Variants in CXXC5 observed in about 807,000 individuals in gnomAD.
The protein encoded by CXXC5 is CXXC-type zinc finger protein 5.
A neutral mutation model predicts 17.6 loss-of-function variants in CXXC5; 2 were observed. The ratio of observed to expected loss-of-function variants is 0.11; its 90% CI spans 0.05 to 0.36. CXXC5 has a LOEUF of 0.36. Among genes scored for constraint, CXXC5 ranks in the 10% least tolerant of loss-of-function variants. The pLI, the probability that CXXC5 is intolerant of heterozygous loss-of-function variation, is 1.00. For missense variants in CXXC5, 343 were observed against 458.3 expected (o/e 0.75, Z 2.30); for synonymous variants, 171 against 193.0 (o/e 0.89, Z 0.94).
At chr5:139,666,197 C>T (rs1304248518) in intron 1 of CXXC5, among the ~76,000 whole-genome samples, 2 of 152,154 alleles carry the variant, frequency 1.3e-5, no homozygotes, top group East Asian at 3.8e-4. Flanking sequence ...TTCCAGAGGA[C>T]GTGTGCCCCA....
intron 1 of CXXC5, among the ~76,000 whole-genome samples, chr5:139,652,169 CGCGTGTGTGTGT>C (rs1185013259): frequency 2.1e-5 from 3 of 140,068 alleles, no homozygotes; most frequent in Non-Finnish European, 4.6e-5. Flanking sequence ...CGCGCGCGCG[CGCGTGTGTGTGT>C]GTGTGTGTGT....
intron 1 of CXXC5, among the ~76,000 whole-genome samples, chr5:139,676,914 C>T (rs1367086784): frequency 6.6e-6 from 1 of 151,602 alleles, no homozygotes. Context: ...ATGATTCTGT[C>T]CCCACCACCT....
At chr5:139,657,865 C>T (rs879216553) in intron 1 of CXXC5, among the ~76,000 whole-genome samples, 17 of 152,226 alleles carry the variant, frequency 1.1e-4, no homozygotes, top group African/African-American at 3.6e-4. Flanking sequence ...CAGAGACCAG[C>T]CCTGACCTGA....
upstream of CXXC5, chr5:139,648,068 G>A (rs892686756): frequency 1.2e-5 from 1 of 82,522 alleles, no homozygotes; most frequent in Non-Finnish European, 2.6e-5. Context: ...TTTTTTTTTT[G>A]TAAAGTTGCG....
At chr5:139,654,225 A>G (rs369324177) in intron 1 of CXXC5, among the ~76,000 whole-genome samples, 4 of 152,138 alleles carry the variant, frequency 2.6e-5, no homozygotes, top group South Asian at 2.1e-4. Flanking sequence ...GTCAGAGCCA[A>G]TTGAACCACT....
chr5:139,681,267 G>A lies in CXXC5; in HGVS notation c.744G>A (p.Glu248=). The part of the protein sequence containing the change: ...AGLAEYPMQG[E]LASAISSGKK... ...TGGCTGAGTACCCCATGCAGGGAGAGCTGGCCTCTGCCATCAGCTCCGGCA... is the reference window on the plus strand; with the variant it reads ...TGGCTGAGTACCCCATGCAGGGAGAACTGGCCTCTGCCATCAGCTCCGGCA... Residue 248 remains glutamate, a synonymous_variant, in exon 2 of 3, where the codon GAG becomes GAA. Coordinates refer to ENST00000302517, the MANE Select transcript of CXXC5 (RefSeq NM_016463.9). 1.2e-6 allele frequency: 2 copies of A among 1,612,626 alleles called. No homozygotes were observed. Among genetic ancestry groups the A allele is most frequent in the Non-Finnish European group, 1.7e-6 (2 of 1,179,874 alleles).
rs1223389104 is a variant in CXXC5, at chr5:139,680,664, C to T, written c.141C>T (p.Ala47=). Residue 47 remains alanine, a synonymous_variant, in exon 2 of 3, where the codon GCC becomes GCT. Transcript: ENST00000302517. ...KSAVVAAAAP[A]SVADDTPPPE... ...CAGTGGTGGCTGCCGCCGCACCAGC[C>T]TCAGTGGCAGATGACACACCACCCC... is the stretch of plus-strand genomic sequence containing the variant. 1 of 1,613,102 alleles carries T rather than the reference C, an allele frequency of 6.2e-7. No individual in the cohort carries two copies. Among genetic ancestry groups the T allele is most frequent in the African/African-American group, 1.3e-5 (1 of 74,942 alleles).
chr5:139,678,045 C>T (rs1028005404), intron 1 of CXXC5, among the ~76,000 whole-genome samples: 4 of 152,274 alleles, frequency 2.6e-5, no homozygotes, highest in Non-Finnish European at 4.4e-5. Flanking sequence ...TGGGGCGCAG[C>T]CTGCTCCCCT....
At chr5:139,662,376 G>A (rs1755868147) in intron 1 of CXXC5, among the ~76,000 whole-genome samples, 1 of 152,132 alleles carries the variant, frequency 6.6e-6, no homozygotes, top group Non-Finnish European at 1.5e-5. Flanking sequence ...CGCCTTTGGG[G>A]TTGGGGCCTG....
At chr5:139,678,267 C>T (rs1465079321) in intron 1 of CXXC5, among the ~76,000 whole-genome samples, 1 of 152,242 alleles carries the variant, frequency 6.6e-6, no homozygotes, top group Non-Finnish European at 1.5e-5. Context: ...TCACCAGTCT[C>T]TGAGGAGAGG....
Position 139,680,570 on chromosome 5 carries a change from G to C in CXXC5, c.47G>C (p.Ser16Thr). 1 of 1,593,014 alleles carries C rather than the reference G, an allele frequency of 6.3e-7. No individual in the cohort carries two copies. Among genetic ancestry groups the C allele is most frequent in the Non-Finnish European group, 8.5e-7 (1 of 1,170,896 alleles). Residue 16 changes from serine to threonine, a missense_variant, in exon 2 of 3, where the codon AGC becomes ACC. Coordinates refer to ENST00000302517, the MANE Select transcript of CXXC5 (RefSeq NM_016463.9). ...TCCCAGGATGCCGGCGGCAGTAGCA[G>C]CAGCAGCACCAATGGCAGCGGTGGC... ...GGSQDAGGSS[S>T]SSTNGSGGSG... is the part of the protein sequence containing the mutation.
At chr5:139,648,120 G>A (rs1386448321), upstream of CXXC5, 6 of 151,298 alleles carry the variant, frequency 4.0e-5, no homozygotes, top group Non-Finnish European at 8.9e-5. Flanking sequence ...GCTGAGCCTG[G>A]GTGGACCGCG....
In CXXC5 at chr5:139,682,854, C is replaced by T. The variant is rs375560231; in HGVS notation, c.925-9C>T. Reference sequence around the variant, plus strand: ...CTCTCTCCTTGTTTTTGTCTCCCGCCCCCGCCAGAAGGTGATGCTTCCGAC... The same window carrying T: ...CTCTCTCCTTGTTTTTGTCTCCCGCTCCCGCCAGAAGGTGATGCTTCCGAC... On this transcript the variant is annotated splice_polypyrimidine_tract_variant and intron_variant, in intron 2 of 2. Coordinates refer to ENST00000302517, the MANE Select transcript of CXXC5 (RefSeq NM_016463.9). 3 of 1,591,766 alleles carry T rather than the reference C, an allele frequency of 1.9e-6. No individual in the cohort carries two copies. The African/African-American group carries it at 4.1e-5, about 22-fold the overall frequency.
rs2126837885 is a variant in CXXC5 at position 139,683,312 on chromosome 5, C to G, written c.*405C>G. 1 of 160,228 alleles carries G rather than the reference C, an allele frequency of 6.2e-6. No homozygotes were observed. The highest frequency in any genetic ancestry group is 2.0e-4 in the South Asian group (1 of 4,982). The allele number at this position is 160,228 out of a possible 1,614,324, so 9.9% of individuals were successfully genotyped here. A position where few individuals can be genotyped will look rare whatever the true frequency, so the allele number is the denominator to read the frequency against. ...CTTTTGAAATCTAGTTACTAATAAG[C>G]ACTACTGTAATTTAGCACAGTTTAA... On this transcript the variant is annotated 3_prime_UTR_variant, in exon 3 of 3. Coordinates refer to ENST00000302517, the MANE Select transcript of CXXC5 (RefSeq NM_016463.9).
At chr5:139,652,471 A>G (rs908180426) in intron 1 of CXXC5, among the ~76,000 whole-genome samples, 3 of 152,012 alleles carry the variant, frequency 2.0e-5, no homozygotes, top group Admixed American at 6.6e-5. Flanking sequence ...CCCTAAAGCC[A>G]GAGGCAGTGT....
At chr5:139,650,361 G>A (rs1232930758) in intron 1 of CXXC5, among the ~76,000 whole-genome samples, 1 of 152,200 alleles carries the variant, frequency 6.6e-6, no homozygotes, top group Non-Finnish European at 1.5e-5. Context: ...CTCGCGCGGC[G>A]GGCGCTGTTT....
chr5:139,653,818 T>C (rs988940388), intron 1 of CXXC5, among the ~76,000 whole-genome samples: 1 of 152,066 alleles, frequency 6.6e-6, no homozygotes, highest in South Asian at 2.1e-4. Flanking sequence ...CTTCATTTCC[T>C]GCCTCTGATG....
chr5:139,669,066 G>A (rs919483489), intron 1 of CXXC5, among the ~76,000 whole-genome samples: 1 of 152,170 alleles, frequency 6.6e-6, no homozygotes, highest in African/African-American at 2.4e-5. Flanking sequence ...CAGCCTGCTC[G>A]CTGTGCTGAG....
chr5:139,669,669 C>T (rs1276104303), intron 1 of CXXC5, among the ~76,000 whole-genome samples: 3 of 152,148 alleles, frequency 2.0e-5, no homozygotes, highest in Non-Finnish European at 4.4e-5. Context: ...GACACAGGCA[C>T]ACAAGTACAA....
Sources: gnomAD v4.1 joint callset for allele counts (sites outside exome capture counted in the v4.1 genomes callset) on GRCh38, gnomAD v4.1.1 for gene constraint, MANE v1.5 for transcripts, NCBI Gene and HGNC (gene_info 2026-07-23, HGNC 2026-07-21) for gene names.